The following TRAPPC8 variants were observed in gnomAD, a reference collection of about 807,000 sequenced individuals.
The protein encoded by TRAPPC8 is general sporulation gene 1 homolog.
Under a neutral mutation model 174.3 loss-of-function variants are expected in TRAPPC8, and 54 were observed. The observed-to-expected ratio is 0.31, with a 90% confidence interval of 0.25 to 0.39. TRAPPC8 has a LOEUF of 0.39. Ranked by LOEUF, TRAPPC8 falls within the 10% of genes least tolerant of loss-of-function variation. The pLI is 1.00. For missense variants in TRAPPC8, 1,531 were observed against 1,699.1 expected, an observed-to-expected ratio of 0.90 and a Z score of 1.74; for synonymous variants, 630 against 579.9, an observed-to-expected ratio of 1.09 and a Z score of -1.24.
chr18:31,875,922 G>T (rs1273677434), intron 12 of TRAPPC8, among the ~76,000 whole-genome samples: 3 of 152,132 alleles, frequency 2.0e-5, no homozygotes, highest in Admixed American at 6.5e-5. Context: ...GAGAGTGGGT[G>T]ATAGAGAATG....
intron 19 of TRAPPC8, among the ~76,000 whole-genome samples, chr18:31,860,226 A>T (rs2034256978): frequency 6.6e-6 from 1 of 152,182 alleles, no homozygotes; most frequent in African/African-American, 2.4e-5. Flanking sequence ...CTTTGCCTGT[A>T]ACAGAAAATG....
intron 6 of TRAPPC8, 44 bp from the exon 7 acceptor site, chr18:31,909,054 G>T (rs758839748): frequency 2.0e-6 from 3 of 1,516,480 alleles, no homozygotes; most frequent in Admixed American, 3.8e-5. Flanking sequence ...GAATGCAACA[G>T]AAAACAGTGC....
chr18:31,913,854 T>C (rs769056846), intron 4 of TRAPPC8, among the ~76,000 whole-genome samples: 14 of 151,968 alleles, frequency 9.2e-5, no homozygotes, highest in Non-Finnish European at 1.6e-4. Context: ...TCAAACTAGA[T>C]TGCGGGGGGA....
rs61736045 is a variant in TRAPPC8 at position 31,866,862 on chromosome 18, G to A, written c.2577C>T (p.Pro859=). Residue 859 remains proline, a synonymous_variant, in exon 18 of 29, where the codon CCC becomes CCT. Transcript: ENST00000283351. ...TATAGCCTTTACCTGTGTGACATCC[G>A]GGAAGAGCACCAATGCCATCTACTG... The part of the protein sequence containing the change: ...SMTVDGIGAL[P]GCHTGKYSLS... 1.4e-3 allele frequency: 2,196 copies of A among 1,612,974 alleles called. 32 individuals are homozygous for A. In the African/African-American group the frequency reaches 0.026, roughly 19 times the overall value.
intron 1 of TRAPPC8, among the ~76,000 whole-genome samples, chr18:31,936,191 G>T (rs2038089428): frequency 6.6e-6 from 1 of 151,764 alleles, no homozygotes; most frequent in Non-Finnish European, 1.5e-5. Flanking sequence ...GGGTGTAGTG[G>T]CTCAAGCCTG....
rs191738449 is a variant in TRAPPC8, at chr18:31,877,792, G to A, written c.1729-3088C>T. 6.4e-3 allele frequency among the ~76,000 whole-genome samples: 966 copies of A among 151,706 alleles called. 6 individuals carry two copies. Among genetic ancestry groups the A allele is most frequent in the African/African-American group, 0.021 (888 of 41,354 alleles). On this transcript the variant is annotated intron_variant, in intron 12 of 28. Transcript: ENST00000283351. Reference sequence around the variant, plus strand: ...TACAAAATTAGCCAGGCGTGGTGGCGCGTGCCTGTAATCCCAGCTACTCGG... The same window carrying A: ...TACAAAATTAGCCAGGCGTGGTGGCACGTGCCTGTAATCCCAGCTACTCGG...
In TRAPPC8 at chr18:31,871,173, CAT is replaced by C. The variant is rs970866018; in HGVS notation, c.2063-55_2063-54del. On this transcript the variant is annotated intron_variant, in intron 14 of 28. Transcript: ENST00000283351. ...TATGAAGACTTGCCCTCAAATAAAA[CAT>C]ATTTTAAATAGACATAAGGTACAGA... 130 of 1,105,014 alleles carry C rather than the reference CAT, an allele frequency of 1.2e-4. 2 individuals are homozygous for C. The East Asian group carries it at 2.7e-3, about 23-fold the overall frequency. 68.5% of individuals were successfully genotyped at this position (1,105,014 alleles called of 1,614,324 possible).
chr18:31,876,559 G>A (rs1010878176), intron 12 of TRAPPC8, among the ~76,000 whole-genome samples: 5 of 145,274 alleles, frequency 3.4e-5, no homozygotes, highest in African/African-American at 1.3e-4. Context: ...GTTCTCCTCA[G>A]AAAGATCAAA....
At chr18:31,934,292 T>G (rs949737941) in intron 1 of TRAPPC8, among the ~76,000 whole-genome samples, 1 of 152,032 alleles carries the variant, frequency 6.6e-6, no homozygotes, top group African/African-American at 2.4e-5. Flanking sequence ...CTGGGAAGTC[T>G]GTCCTATAAC....
intron 16 of TRAPPC8, among the ~76,000 whole-genome samples, chr18:31,869,788 C>A (rs1012603568): frequency 9.2e-5 from 14 of 152,084 alleles, no homozygotes; most frequent in Non-Finnish European, 1.6e-4. Flanking sequence ...GAAAAACATA[C>A]AAATGAAAAT....
At chr18:31,937,054 AAC>A (rs1389684624) in intron 1 of TRAPPC8, among the ~76,000 whole-genome samples, 2 of 151,316 alleles carry the variant, frequency 1.3e-5, no homozygotes, top group Admixed American at 1.3e-4. Context: ...CTACTAAAAA[AAC>A]ACAAAAAATT....
chr18:31,857,986 C>A lies in TRAPPC8; in HGVS notation c.2746-4G>T. The A allele has an allele frequency of 6.4e-7, 1 of 1,569,652 alleles. No homozygotes were observed. The highest frequency in any genetic ancestry group is 2.0e-5 in the Admixed American group (1 of 51,090). ...TAGGAAAATGTATAAAGAACACCTG[C>A]ATTGGAGGGAAAAAATATTATTATT... is the stretch of plus-strand genomic sequence containing the variant. On this transcript the variant is annotated splice_region_variant and splice_polypyrimidine_tract_variant and intron_variant, in intron 19 of 28. Coordinates refer to ENST00000283351, the MANE Select transcript of TRAPPC8 (RefSeq NM_014939.5).
intron 10 of TRAPPC8, among the ~76,000 whole-genome samples, chr18:31,899,488 G>C (rs1598702370): frequency 6.6e-6 from 1 of 152,212 alleles, no homozygotes; most frequent in East Asian, 1.9e-4. Context: ...GGTCTTATAG[G>C]GGTCAAAATT....
chr18:31,855,398 C>A (rs1431145400), intron 21 of TRAPPC8, among the ~76,000 whole-genome samples: 1 of 152,062 alleles, frequency 6.6e-6, no homozygotes, highest in Non-Finnish European at 1.5e-5. Context: ...TTTATGAGAT[C>A]TTTTAGAATG....
In TRAPPC8 at chr18:31,866,254, T is replaced by C. The variant is rs116798576; in HGVS notation, c.2590+595A>G. Among the ~76,000 whole-genome samples the C allele has an allele frequency of 5.5e-3, 841 of 152,238 alleles. 5 individuals are homozygous for C. Among genetic ancestry groups the C allele is most frequent in the African/African-American group, 0.019 (800 of 41,568 alleles). ...CAAATAACTACACACAGTAATTACA[T>C]GGTAATGTTAAATCTTGAAGGGTTC... On this transcript the variant is annotated intron_variant, in intron 18 of 28. Transcript: ENST00000283351.
intron 24 of TRAPPC8, among the ~76,000 whole-genome samples, chr18:31,852,025 C>T (rs1376316190): frequency 6.6e-6 from 1 of 151,986 alleles, no homozygotes; most frequent in Non-Finnish European, 1.5e-5. Flanking sequence ...CAATAAAGTT[C>T]AGATGTTTAT....
intron 26 of TRAPPC8, 49 bp from the exon 27 acceptor site, chr18:31,839,506 T>TAA (rs748337704): frequency 2.1e-4 from 239 of 1,137,650 alleles, no homozygotes; most frequent in African/African-American, 5.2e-4. Flanking sequence ...CTACCTTGTT[T>TAA]AAAAAAAAAA....
At chr18:31,841,203 GATT>G (rs2033076277) in intron 26 of TRAPPC8, among the ~76,000 whole-genome samples, 1 of 152,076 alleles carries the variant, frequency 6.6e-6, no homozygotes, top group African/African-American at 2.4e-5. Context: ...AAAGGAACTT[GATT>G]ATGGGTAATT....
chr18:31,880,121 A>ATATTT (rs1239258266), intron 12 of TRAPPC8, among the ~76,000 whole-genome samples: 59 of 69,038 alleles, frequency 8.5e-4, no homozygotes, highest in African/African-American at 3.3e-3. Flanking sequence ...ATATATATAT[A>ATATTT]TTTTTTTTTT....
Sources: allele counts gnomAD v4.1 joint callset (sites outside exome capture counted in the v4.1 genomes callset), GRCh38; gene constraint gnomAD v4.1.1; transcripts MANE v1.5; gene names NCBI Gene and HGNC (gene_info 2026-07-23, HGNC 2026-07-21).